Variants in MLIP observed in about 807,000 individuals in gnomAD.
MLIP encodes muscular LMNA-interacting protein.
A neutral mutation model predicts 84.8 loss-of-function variants in MLIP; 79 were observed. That is an observed-to-expected ratio of 0.93 (90% CI 0.78 to 1.12). MLIP has a LOEUF of 1.12. Among genes scored for constraint, MLIP ranks in the 50% most tolerant of loss-of-function variants. MLIP has a pLI of 0.00. For synonymous variants in MLIP, 504 were observed against 463.0 expected, an observed-to-expected ratio of 1.09 and a Z score of -1.14; for missense variants, 1,257 against 1,160.6, an observed-to-expected ratio of 1.08 and a Z score of -1.21.
intron 3 of MLIP, among the ~76,000 whole-genome samples, chr6:54,134,934 T>C (rs1423299601): frequency 1.3e-5 from 2 of 151,988 alleles, no homozygotes; most frequent in African/African-American, 4.8e-5. Context: ...ATTCTTTTCA[T>C]TAGGAGAGAT....
chr6:54,261,851 A>C, intron 13 of MLIP: 13 of 527,900 alleles, frequency 2.5e-5, no homozygotes, highest in Non-Finnish European at 2.7e-5. Flanking sequence ...ATTATTTCTC[A>C]AAATGAAGCT....
intron 1 of MLIP, among the ~76,000 whole-genome samples, chr6:54,089,317 GA>G (rs745625119): frequency 1.4e-4 from 22 of 151,926 alleles, no homozygotes; most frequent in East Asian, 7.7e-4. Context: ...ATTCCACCGG[GA>G]ATTACCTTAA....
At chr6:54,141,536 A>T (rs1215781555) in intron 4 of MLIP, among the ~76,000 whole-genome samples, 2 of 151,960 alleles carry the variant, frequency 1.3e-5, no homozygotes. Flanking sequence ...TGAACTTTTG[A>T]CCACAAGTGA....
intron 1 of MLIP, among the ~76,000 whole-genome samples, chr6:54,048,042 G>C: frequency 6.6e-6 from 1 of 152,172 alleles, no homozygotes; most frequent in African/African-American, 2.4e-5. Flanking sequence ...CCCTCTTTGA[G>C]GAAGCTTAGC....
intron 3 of MLIP, among the ~76,000 whole-genome samples, chr6:54,136,445 T>G (rs1174852781): frequency 6.6e-6 from 1 of 152,234 alleles, no homozygotes; most frequent in African/African-American, 2.4e-5. Flanking sequence ...TGTCAACGAA[T>G]TATCTTCCAA....
chr6:54,072,194 C>CA (rs1766528286), intron 1 of MLIP, among the ~76,000 whole-genome samples: 3 of 151,992 alleles, frequency 2.0e-5, no homozygotes, highest in Admixed American at 1.3e-4. Context: ...ACTGACTCAC[C>CA]AAAAAAATGC....
chr6:54,183,117 A>G (rs566205458), intron 9 of MLIP, among the ~76,000 whole-genome samples: 3 of 151,866 alleles, frequency 2.0e-5, no homozygotes, highest in Non-Finnish European at 4.4e-5. Flanking sequence ...AATAAAGGTC[A>G]TCCCAATTTC....
At chr6:54,127,316 C>A (rs1771002522) in intron 3 of MLIP, among the ~76,000 whole-genome samples, 1 of 152,062 alleles carries the variant, frequency 6.6e-6, no homozygotes. Flanking sequence ...TACATTAAAT[C>A]AAGTTCTGGT....
chr6:54,173,822 T>C (rs1776010243), intron 9 of MLIP, among the ~76,000 whole-genome samples: 1 of 151,880 alleles, frequency 6.6e-6, no homozygotes, highest in Non-Finnish European at 1.5e-5. Context: ...ATACCAGATC[T>C]TGTTAATTCT....
chr6:54,138,254 A>G lies in MLIP; in HGVS notation c.2185A>G (p.Met729Val), dbSNP rs142516820. 1,286 of 1,535,682 alleles carry G rather than the reference A, an allele frequency of 8.4e-4. 19 individuals carry two copies. The East Asian group carries it at 0.027, about 33-fold the overall frequency. ...GCTGATTTCACCTTGTGCATTGTCC[A>G]TGTCAACAGGCCCAGAAAATAAGAA... ...EELISPCALS[M>V]STGPENKKSK... Residue 729 changes from methionine (M) to valine (V), a missense_variant, in exon 4 of 14, where the codon ATG becomes GTG. Coordinates refer to ENST00000502396, the MANE Select transcript of MLIP (RefSeq NM_001281747.2).
chr6:54,251,710 C>T (rs369042823), intron 12 of MLIP, among the ~76,000 whole-genome samples: 5 of 89,868 alleles, frequency 5.6e-5, no homozygotes, highest in Admixed American at 5.0e-4. Flanking sequence ...ACATATGATA[C>T]ATATATATTA....
intron 3 of MLIP, among the ~76,000 whole-genome samples, chr6:54,126,702 T>A (rs1046092664): frequency 4.6e-5 from 7 of 152,030 alleles, no homozygotes; most frequent in Non-Finnish European, 8.8e-5. Context: ...AGTCTGGAAG[T>A]TTAATATAGT....
At chr6:54,047,727 T>C (rs954108570) in intron 1 of MLIP, 6 of 152,186 alleles carry the variant, frequency 3.9e-5, no homozygotes, top group African/African-American at 1.4e-4. Flanking sequence ...TGAAAACTAA[T>C]ATCAACAAGA....
At chr6:54,156,285 C>T (rs899760814) in intron 5 of MLIP, among the ~76,000 whole-genome samples, 2 of 152,038 alleles carry the variant, frequency 1.3e-5, no homozygotes, top group African/African-American at 4.8e-5. Flanking sequence ...AGCCCCCCAT[C>T]CAATTTTTAA....
At chr6:54,063,043 A>C (rs1416090267) in intron 1 of MLIP, among the ~76,000 whole-genome samples, 1 of 152,114 alleles carries the variant, frequency 6.6e-6, no homozygotes, top group Admixed American at 6.6e-5. Flanking sequence ...CTCTACTAAA[A>C]ATACAAAAAA....
At chr6:54,027,372 AATACACAC>A (rs1481416197) in intron 1 of MLIP, among the ~76,000 whole-genome samples, 2 of 86,406 alleles carry the variant, frequency 2.3e-5, no homozygotes, top group East Asian at 6.8e-4. Context: ...GAATAAAAAA[AATACACAC>A]ACACACACAC....
chr6:54,193,996 A>C (rs1240477494), intron 10 of MLIP, among the ~76,000 whole-genome samples: 1 of 152,190 alleles, frequency 6.6e-6, no homozygotes, highest in African/African-American at 2.4e-5. Context: ...TTGAAATTTC[A>C]TGCCGTTACA....
intron 1 of MLIP, among the ~76,000 whole-genome samples, chr6:54,065,948 G>T (rs1766210159): frequency 1.0e-5 from 1 of 97,940 alleles, no homozygotes; most frequent in Admixed American, 9.6e-5. Context: ...TAAATTATAT[G>T]TATATACATC....
At chr6:54,134,435 CTTA>C (rs1281739738) in intron 3 of MLIP, among the ~76,000 whole-genome samples, 1 of 151,690 alleles carries the variant, frequency 6.6e-6, no homozygotes, top group Admixed American at 6.6e-5. Context: ...GTTGCATATA[CTTA>C]TTAATATATT....
Sources: allele counts gnomAD v4.1 joint callset (sites outside exome capture counted in the v4.1 genomes callset), GRCh38; gene constraint gnomAD v4.1.1; transcripts MANE v1.5; gene names NCBI Gene and HGNC (gene_info 2026-07-23, HGNC 2026-07-21).